PDZRN3: variants seen among roughly 807,000 people sequenced by gnomAD.
PDZRN3 encodes PDZ domain containing ring finger 3.
Under a neutral mutation model 85.7 loss-of-function variants are expected in PDZRN3, and 38 were observed. The observed-to-expected ratio is 0.44, with a 90% CI of 0.34 to 0.58. The LOEUF (loss-of-function observed/expected upper bound fraction) is 0.58, where lower values mean the gene tolerates loss of function less well. PDZRN3 is among the 20% of genes least tolerant of loss of function. The pLI is 0.01. For missense variants in PDZRN3, 1,629 were observed against 1,506.4 expected (o/e 1.08, Z -1.35); for synonymous variants, 759 against 638.0 (o/e 1.19, Z -2.86).
intron 3 of PDZRN3, among the ~76,000 whole-genome samples, chr3:73,429,024 G>C (rs1326888402): frequency 6.6e-6 from 1 of 152,002 alleles, no homozygotes; most frequent in Non-Finnish European, 1.5e-5. Flanking sequence ...TCAGCCTCCT[G>C]AGTAGCTGGG....
At chr3:73,559,496 T>C (rs1394412047) in intron 3 of PDZRN3, among the ~76,000 whole-genome samples, 1 of 152,132 alleles carries the variant, frequency 6.6e-6, no homozygotes, top group African/African-American at 2.4e-5. Context: ...GGAGAACCTC[T>C]CTGGTGTGAA....
rs75483159 is a variant in PDZRN3, at chr3:73,551,398, G to A, written c.918+50956C>T. 5.9e-5 allele frequency among the ~76,000 whole-genome samples: 9 copies of A among 152,168 alleles called. No homozygotes were observed. In the South Asian group the frequency reaches 1.0e-3, roughly 18 times the overall value. ...TCCTTTTGCATCATTTGAAACTTAC[G>A]GAGGCCAGGAGTGGTGACTCACACC... On this transcript the variant is annotated intron_variant, in intron 3 of 9. Coordinates refer to ENST00000263666, the MANE Select transcript of PDZRN3 (RefSeq NM_015009.3).
At chr3:73,594,932 C>A (rs144251994) in intron 3 of PDZRN3, among the ~76,000 whole-genome samples, 1 of 152,278 alleles carries the variant, frequency 6.6e-6, no homozygotes, top group East Asian at 1.9e-4. Flanking sequence ...CCAAAAACAT[C>A]ATTTAAGTGA....
rs749523844 is a variant in PDZRN3 at position 73,383,677 on chromosome 3, C to T, written c.2889G>A (p.Ala963=). The T allele has an allele frequency of 1.7e-5, 28 of 1,612,270 alleles. No homozygotes were observed. The highest frequency in any genetic ancestry group is 5.0e-5 in the Admixed American group (3 of 60,032). Residue 963 remains alanine, a synonymous_variant, in exon 10 of 10, where the codon GCG becomes GCA. Coordinates refer to ENST00000263666, the MANE Select transcript of PDZRN3 (RefSeq NM_015009.3). ...ERSGMTTDDD[A]VSEMKMGRYW... ...AGCGCCCCATCTTCATCTCGCTCAC[C>T]GCGTCGTCGTCGGTGGTCATGCCGC...
At chr3:73,411,057 T>C (rs187503809) in intron 3 of PDZRN3, among the ~76,000 whole-genome samples, 9 of 152,342 alleles carry the variant, frequency 5.9e-5, no homozygotes, top group Admixed American at 2.0e-4. Flanking sequence ...GAGGGTCTTC[T>C]CCAGTAAAAA....
chr3:73,388,236 T>A, intron 7 of PDZRN3, 167 bp from the exon 8 acceptor site: 1 of 528,840 alleles, frequency 1.9e-6, no homozygotes. Context: ...GAAGGAAAGG[T>A]CTTGCTCAGA....
chr3:73,383,132 A>G lies in PDZRN3; in HGVS notation c.*233T>C, dbSNP rs1703281207. ...GTACAGGTAGAAAAGTACAATTGCT[A>G]TTTGAAAAAAGCTCTGTTTGTTAAT... On this transcript the variant is annotated 3_prime_UTR_variant, in exon 10 of 10. Coordinates refer to ENST00000263666, the MANE Select transcript of PDZRN3 (RefSeq NM_015009.3). 4.4e-6 allele frequency: 2 copies of G among 458,442 alleles called. No homozygotes were observed. Among genetic ancestry groups the G allele is most frequent in the Non-Finnish European group, 7.6e-6 (2 of 263,172 alleles). The allele number at this position is 458,442 out of a possible 1,614,324, so 28.4% of individuals were successfully genotyped here.
intron 3 of PDZRN3, among the ~76,000 whole-genome samples, chr3:73,442,256 T>C (rs1395170029): frequency 1.3e-5 from 2 of 152,116 alleles, no homozygotes; most frequent in African/African-American, 4.8e-5. Context: ...AGATGCATGG[T>C]GAACACTCGA....
intron 3 of PDZRN3, among the ~76,000 whole-genome samples, chr3:73,508,383 A>G (rs936031465): frequency 6.6e-6 from 1 of 152,236 alleles, no homozygotes; most frequent in African/African-American, 2.4e-5. Context: ...CAGTGAAGAC[A>G]TAAAGGAAAA....
intron 3 of PDZRN3, among the ~76,000 whole-genome samples, chr3:73,516,537 G>A (rs766859320): frequency 5.9e-5 from 9 of 152,212 alleles, no homozygotes; most frequent in Non-Finnish European, 1.3e-4. Context: ...GTAGAAACAC[G>A]TTAAGAAAGG....
chr3:73,386,458 T>G (rs1277859407), intron 8 of PDZRN3, among the ~76,000 whole-genome samples: 1 of 152,102 alleles, frequency 6.6e-6, no homozygotes, highest in East Asian at 1.9e-4. Flanking sequence ...CCTCCCAACA[T>G]GCTGGGATTA....
In PDZRN3 at chr3:73,473,213, T is replaced by C. The variant is rs568633311; in HGVS notation, c.919-68818A>G. 4.5e-4 allele frequency among the ~76,000 whole-genome samples: 69 copies of C among 152,372 alleles called. 1 individual carries two copies. Among genetic ancestry groups the C allele is most frequent in the Non-Finnish European group, 7.2e-4 (49 of 68,030 alleles). ...TGTGTTTCATCTCAAACTGTAGTTA[T>C]AGTTCTCTGACCAAAAACTCTTTCG... On this transcript the variant is annotated intron_variant, in intron 3 of 9. Transcript: ENST00000263666.
At chr3:73,453,329 C>A (rs548655384) in intron 3 of PDZRN3, among the ~76,000 whole-genome samples, 1 of 144,136 alleles carries the variant, frequency 6.9e-6, no homozygotes, top group South Asian at 2.3e-4. Flanking sequence ...TCACTTGAAG[C>A]CGGGAGGCGG....
Position 73,384,031 on chromosome 3 carries a change from C to A in PDZRN3, c.2535G>T (p.Gly845=), listed in dbSNP as rs1483750995. 1.9e-6 allele frequency: 3 copies of A among 1,594,284 alleles called. No individual in the cohort carries two copies. Among genetic ancestry groups the A allele is most frequent in the South Asian group, 1.1e-5 (1 of 87,952 alleles). The change falls in exon 10 of 10, where the codon GGG becomes GGT. Residue 845 remains glycine, a synonymous_variant. Transcript: ENST00000263666. ...LESKERRASD[G]SRSPTPSQKL... ...TCTGGCTGGGCGTGGGGCTCCGGCTCCCGTCGCTGGCTCTCCGCTCTTTGC... is the reference window on the plus strand; with the variant it reads ...TCTGGCTGGGCGTGGGGCTCCGGCTACCGTCGCTGGCTCTCCGCTCTTTGC...
intron 3 of PDZRN3, chr3:73,569,557 C>T: frequency 9.5e-7 from 1 of 1,053,352 alleles, no homozygotes; most frequent in South Asian, 3.2e-5. Flanking sequence ...CTCCCACCCC[C>T]ACACCCGCAC....
rs71126867 is a variant in PDZRN3 at position 73,386,226 on chromosome 3, C to CTTTTTTTTTTTTTTTTTTT, written c.1519-460_1519-442dup. Among the ~76,000 whole-genome samples the CTTTTTTTTTTTTTTTTTTT allele has an allele frequency of 1.9e-4, 17 of 90,710 alleles. 3 individuals are homozygous for CTTTTTTTTTTTTTTTTTTT. The highest frequency in any genetic ancestry group is 7.7e-4 in the South Asian group (2 of 2,582). 59.5% of individuals were successfully genotyped at this position (90,710 alleles called of 152,430 possible). On this transcript the variant is annotated intron_variant, in intron 8 of 9. Coordinates refer to ENST00000263666, the MANE Select transcript of PDZRN3 (RefSeq NM_015009.3). ...GCTGTTTGGCTTGGGCAAGATATCA[C>CTTTTTTTTTTTTTTTTTTT]TTTTTTTTTTTTTTTTTTTGAGACA...
intron 3 of PDZRN3, among the ~76,000 whole-genome samples, chr3:73,599,212 G>A (rs958653400): frequency 1.3e-5 from 2 of 152,194 alleles, no homozygotes; most frequent in African/African-American, 4.8e-5. Context: ...TCCATCACTG[G>A]GTGAATGAAT....
rs538428385 is a variant in PDZRN3 at position 73,500,370 on chromosome 3, T to C, written c.919-95975A>G. On this transcript the variant is annotated intron_variant, in intron 3 of 9. Coordinates refer to ENST00000263666, the MANE Select transcript of PDZRN3 (RefSeq NM_015009.3). ...GGCTGTCCTTATTATTTATTATTATTTTTTTAATCTGTCACTAAGATTGAA... is the reference window on the plus strand; with the variant it reads ...GGCTGTCCTTATTATTTATTATTATCTTTTTAATCTGTCACTAAGATTGAA... Among the ~76,000 whole-genome samples the C allele has an allele frequency of 1.1e-4, 16 of 152,236 alleles. No homozygotes were observed. In the South Asian group the frequency reaches 3.3e-3, roughly 32 times the overall value.
intron 3 of PDZRN3, among the ~76,000 whole-genome samples, chr3:73,481,610 G>A (rs753853258): frequency 1.3e-5 from 2 of 151,466 alleles, no homozygotes; most frequent in Non-Finnish European, 2.9e-5. Context: ...GATTACAGGC[G>A]TAAGCCACCA....
Sources: gnomAD v4.1 joint callset for allele counts (sites outside exome capture counted in the v4.1 genomes callset) on GRCh38, gnomAD v4.1.1 for gene constraint, MANE v1.5 for transcripts, NCBI Gene and HGNC (gene_info 2026-07-23, HGNC 2026-07-21) for gene names.